DST: variants seen among roughly 807,000 people sequenced by gnomAD.
DST encodes the protein bullous pemphigoid antigen.
Under a neutral mutation model 875.2 loss-of-function variants are expected in DST, and 253 were observed. The ratio of observed to expected loss-of-function variants is 0.29; its 90% CI spans 0.26 to 0.32. The LOEUF (loss-of-function observed/expected upper bound fraction) is 0.32. Among genes scored for constraint, DST ranks in the 10% least tolerant of loss-of-function variants. The pLI, the probability that DST is intolerant of heterozygous loss-of-function variation, is 1.00. For synonymous variants in DST, 3,124 were observed against 3,197.1 expected (o/e 0.98, Z 0.77); for missense variants, 8,287 against 9,111.6 (o/e 0.91, Z 3.68).
intron 37 of DST, among the ~76,000 whole-genome samples, chr6:56,614,009 C>T (rs2098583421): frequency 6.6e-6 from 1 of 152,158 alleles, no homozygotes; most frequent in African/African-American, 2.4e-5. Context: ...ACATGGAGTG[C>T]ATGGATCTAC....
intron 2 of DST, among the ~76,000 whole-genome samples, chr6:56,915,496 T>C (rs1377763615): frequency 6.6e-6 from 1 of 151,606 alleles, no homozygotes; most frequent in African/African-American, 2.4e-5. Context: ...GAAAGTCAAC[T>C]GAGATAGATG....
chr6:56,724,598 A>G (rs113271949), intron 5 of DST, among the ~76,000 whole-genome samples: 176 of 152,360 alleles, frequency 1.2e-3, no homozygotes, highest in Non-Finnish European at 2.1e-3. Flanking sequence ...TCAACTAGTG[A>G]TATGATGGCT....
At chr6:56,870,322 C>A (rs956970436) in intron 3 of DST, among the ~76,000 whole-genome samples, 1 of 148,758 alleles carries the variant, frequency 6.7e-6, no homozygotes, top group Non-Finnish European at 1.5e-5. Context: ...AGGGGAGGGA[C>A]AATGATCGGG....
intron 2 of DST, among the ~76,000 whole-genome samples, chr6:56,921,606 A>G (rs997681019): frequency 9.8e-5 from 15 of 152,344 alleles, no homozygotes; most frequent in African/African-American, 3.6e-4. Flanking sequence ...AAGATTTTTT[A>G]AAATAATGAA....
At chr6:56,865,261 CTGTGTGTGTGTGTG>C (rs35870270) in intron 3 of DST, among the ~76,000 whole-genome samples, 2 of 143,706 alleles carry the variant, frequency 1.4e-5, no homozygotes, top group South Asian at 2.2e-4. Flanking sequence ...CCCTAGTTTT[CTGTGTGTGTGTGTG>C]TGTGTGTGTG....
intron 78 of DST, 150 bp from the exon 79 acceptor site, chr6:56,501,843 GA>G: frequency 2.0e-6 from 1 of 499,610 alleles, no homozygotes; most frequent in Non-Finnish European, 3.3e-6. Flanking sequence ...CTTACCAATG[GA>G]AGAATTATAG....
At chr6:56,489,323 T>C (rs971536995) in intron 86 of DST, among the ~76,000 whole-genome samples, 167 bp downstream of exon 86, 2 of 152,192 alleles carry the variant, frequency 1.3e-5, no homozygotes, top group African/African-American at 4.8e-5. Context: ...AGTGAAGATA[T>C]TGCAACATAA....
intron 49 of DST, among the ~76,000 whole-genome samples, chr6:56,584,560 C>G (rs964013721): frequency 6.6e-6 from 1 of 150,932 alleles, no homozygotes; most frequent in Admixed American, 6.6e-5. Context: ...TTGACTTCCT[C>G]TTTTCCTAAT....
At chr6:56,735,839 T>C (rs962979231) in intron 4 of DST, among the ~76,000 whole-genome samples, 10 of 152,158 alleles carry the variant, frequency 6.6e-5, no homozygotes, top group Non-Finnish European at 4.4e-5. Context: ...GCTTAATTAA[T>C]ATTAAGTAGT....
At chr6:56,523,986 A>T (rs148599973) in intron 69 of DST, among the ~76,000 whole-genome samples, 1 of 152,264 alleles carries the variant, frequency 6.6e-6, no homozygotes, top group Non-Finnish European at 1.5e-5. Flanking sequence ...AATGCAAAAC[A>T]GATAGTCCAA....
intron 4 of DST, among the ~76,000 whole-genome samples, chr6:56,755,973 C>A (rs1310576895): frequency 1.3e-5 from 2 of 152,210 alleles, no homozygotes; most frequent in Non-Finnish European, 1.5e-5. Context: ...AAAAGACACG[C>A]CACTTCCAGC....
intron 3 of DST, among the ~76,000 whole-genome samples, chr6:56,860,259 CT>C (rs1396111043): frequency 7.9e-5 from 12 of 152,022 alleles, no homozygotes; most frequent in Admixed American, 5.2e-4. Flanking sequence ...GATGACATTG[CT>C]GTATTCAGAG....
intron 3 of DST, chr6:56,863,213 C>A (rs1443191626): frequency 6.6e-6 from 1 of 152,176 alleles, no homozygotes; most frequent in East Asian, 1.9e-4. Context: ...ATCCTTTATT[C>A]ATCCTTTTCC....
At chr6:56,530,175 T>C in intron 64 of DST, 42 bp from the exon 65 acceptor site, 1 of 1,458,868 alleles carries the variant, frequency 6.9e-7, no homozygotes, top group Non-Finnish European at 9.1e-7. Flanking sequence ...GAAGAATGTG[T>C]GAAATATTCA....
In DST at chr6:56,608,626, G is replaced by C; in HGVS notation, c.6002C>G (p.Ser2001Cys). The change falls in exon 40 of 104, where the codon TCT (serine) becomes TGT (cysteine). Residue 2001 changes from serine to cysteine, a missense_variant. Transcript: ENST00000680361. ...LLSGGLINSN[S>C]GQRMTVEEAV... ...TTCTTCAACAGTCATTCTTTGGCCA[G>C]AGTTGGAATTGATCAGACCTCCAGA... is the stretch of plus-strand genomic sequence containing the variant. The C allele has an allele frequency of 6.2e-7, 1 of 1,613,350 alleles. No homozygotes were observed. The highest frequency in any genetic ancestry group is 8.5e-7 in the Non-Finnish European group (1 of 1,179,626).
Position 56,604,250 on chromosome 6 carries a change from C to T in DST, c.10378G>A (p.Gly3460Arg), listed in dbSNP as rs750824302. ...AATTCTCTCATCAATTCAAATACTC[C>T]TGTAATTTTTTGGCTATGTTGATCT... Reference protein sequence around the residue: ...KQDQHSQKITGVFELMRELTH... With the variant: ...KQDQHSQKITRVFELMRELTH... The change falls in exon 40 of 104, where the codon GGA (glycine) becomes AGA (arginine). Residue 3460 changes from glycine (G) to arginine (R), a missense_variant. Around this residue, in one of 10 missense-constraint regions of DST, gnomAD observed 3,138 missense variants for 3,116.6 expected, o/e 1.01. Transcript: ENST00000680361. 6.2e-6 allele frequency: 10 copies of T among 1,610,864 alleles called. No homozygotes were observed. The South Asian group carries it at 8.8e-5, about 14-fold the overall frequency.
At chr6:56,560,726 A>G (rs749613394) in intron 57 of DST, among the ~76,000 whole-genome samples, 62 of 152,188 alleles carry the variant, frequency 4.1e-4, no homozygotes, top group Admixed American at 2.0e-4. Context: ...AAGCAAGATG[A>G]TATCAGTAAA....
At position 56,593,878 on chromosome 6, in the gene DST, T is replaced by C; in HGVS notation, c.12511A>G (p.Met4171Val). The change falls in exon 48 of 104, where the codon ATG becomes GTG. Residue 4171 changes from methionine (M) to valine (V), a missense_variant. This residue lies in a region of DST where 1,513 missense variants were observed against 1,677.8 expected (regional missense o/e 0.90). Transcript: ENST00000680361. ...EAGADDINGL[M>V]TKLKRQKSFS... The stretch of plus-strand genomic sequence containing the variant: ...CTCTTCTGCCTCTTCAATTTGGTCA[T>C]TAAACCATTGATGTCATCTGCACCT... 1.9e-6 allele frequency: 3 copies of C among 1,613,990 alleles called. No individual in the cohort carries two copies. Among genetic ancestry groups the C allele is most frequent in the Non-Finnish European group, 2.5e-6 (3 of 1,179,876 alleles).
At chr6:56,660,122 A>G (rs780558674) in intron 10 of DST, among the ~76,000 whole-genome samples, 35 of 152,210 alleles carry the variant, frequency 2.3e-4, no homozygotes, top group Non-Finnish European at 1.6e-4. Context: ...ACAGATAGAA[A>G]AAGACTGCTG....
Sources: allele counts gnomAD v4.1 joint callset (sites outside exome capture counted in the v4.1 genomes callset), GRCh38; gene constraint gnomAD v4.1.1; regional missense constraint gnomAD v4.1.1; transcripts MANE v1.5; gene names NCBI Gene and HGNC (gene_info 2026-07-23, HGNC 2026-07-21).